IL1RAPL2: variants seen among roughly 807,000 people sequenced by gnomAD.
The protein encoded by IL1RAPL2 is interleukin 1 receptor accessory protein like 2, also known as X-linked interleukin-1 receptor accessory protein-like 2.
A neutral mutation model predicts 44.1 loss-of-function variants in IL1RAPL2; 3 were observed. The ratio of observed to expected loss-of-function variants is 0.07; its 90% CI spans 0.03 to 0.18. The LOEUF is 0.18. IL1RAPL2 is among the 10% of genes least tolerant of loss of function. The probability of loss-of-function intolerance (pLI) is 1.00; values close to 1 mark genes in which losing one functional copy is unlikely to be tolerated. For missense variants in IL1RAPL2, 391 were observed against 496.4 expected, an observed-to-expected ratio of 0.79 and a Z score of 2.02; for synonymous variants, 181 against 178.8, an observed-to-expected ratio of 1.01 and a Z score of -0.10.
At chrX:105,066,085 G>A (rs753818378) in intron 2 of IL1RAPL2, among the ~76,000 whole-genome samples, 2 of 111,313 alleles carry the variant, frequency 1.8e-5, no homozygotes, top group South Asian at 7.7e-4. Context: ...TGAATGGGAA[G>A]CAGGCTGAAC....
intron 2 of IL1RAPL2, among the ~76,000 whole-genome samples, chrX:104,762,533 G>A (rs1167315691): frequency 8.9e-6 from 1 of 111,907 alleles, no homozygotes; most frequent in Non-Finnish European, 1.9e-5. Flanking sequence ...GAGGACAGTG[G>A]CCCTCTTCTC....
At chrX:105,647,505 C>T (rs749986592) in intron 6 of IL1RAPL2, among the ~76,000 whole-genome samples, 2 of 111,399 alleles carry the variant, frequency 1.8e-5, no homozygotes, top group Non-Finnish European at 3.8e-5. Flanking sequence ...TTAGTGAGCT[C>T]CCTTTACTAC....
intron 2 of IL1RAPL2, among the ~76,000 whole-genome samples, chrX:104,909,217 G>A (rs1455934051): frequency 9.0e-6 from 1 of 111,340 alleles, no homozygotes; most frequent in African/African-American, 3.3e-5. Flanking sequence ...GCACTTCTCT[G>A]TATTGTTTAT....
chrX:105,024,797 G>A (rs1156319095), intron 2 of IL1RAPL2, among the ~76,000 whole-genome samples: 1 of 111,361 alleles, frequency 9.0e-6, no homozygotes, highest in African/African-American at 3.3e-5. Flanking sequence ...TGACAGAGAT[G>A]GGTCAGTTAC....
chrX:105,378,300 AG>A (rs1442884357), intron 5 of IL1RAPL2, among the ~76,000 whole-genome samples: 1 of 111,823 alleles, frequency 8.9e-6, no homozygotes, highest in Non-Finnish European at 1.9e-5. Context: ...AGAGGGTAAA[AG>A]TTTGAGAGAC....
intron 6 of IL1RAPL2, among the ~76,000 whole-genome samples, chrX:105,521,080 G>A (rs1427278219): frequency 2.9e-5 from 3 of 103,817 alleles, no homozygotes; most frequent in Admixed American, 1.0e-4. Flanking sequence ...GACTACAGGC[G>A]CCTGCCACCA....
chrX:104,788,694 T>C (rs1207468032), intron 2 of IL1RAPL2, among the ~76,000 whole-genome samples: 1 of 112,053 alleles, frequency 8.9e-6, no homozygotes, highest in Non-Finnish European at 1.9e-5. Context: ...TCACTCAGCC[T>C]GTGATTTTCC....
chrX:105,540,891 G>GTATATATTATATATC (rs2036724655), intron 6 of IL1RAPL2, among the ~76,000 whole-genome samples: 4 of 17,371 alleles, frequency 2.3e-4, no homozygotes, highest in African/African-American at 1.1e-3. Context: ...TATTATATAT[G>GTATATATTATATATC]ATATATAATA....
chrX:105,294,317 T>G (rs930405191), intron 5 of IL1RAPL2, among the ~76,000 whole-genome samples: 1 of 112,590 alleles, frequency 8.9e-6, no homozygotes, highest in Non-Finnish European at 1.9e-5. Flanking sequence ...AACATAGATG[T>G]GAAGATTTTA....
At chrX:104,940,970 T>G (rs1270389510) in intron 2 of IL1RAPL2, among the ~76,000 whole-genome samples, 1 of 101,513 alleles carries the variant, frequency 9.9e-6, no homozygotes, top group Non-Finnish European at 2.0e-5. Flanking sequence ...AGTGAGAACA[T>G]GTGGTGTTTG....
chrX:105,627,072 C>T (rs2037458244), intron 6 of IL1RAPL2, among the ~76,000 whole-genome samples: 1 of 111,737 alleles, frequency 8.9e-6, no homozygotes, highest in Admixed American at 9.5e-5. Context: ...AATTAAAAAG[C>T]AAACTGGTCC....
chrX:104,627,371 A>G (rs1285637076), intron 1 of IL1RAPL2, among the ~76,000 whole-genome samples: 1 of 105,557 alleles, frequency 9.5e-6, no homozygotes, highest in Admixed American at 1.0e-4. Flanking sequence ...ATTAGGAGAT[A>G]TACCTAATGT....
intron 5 of IL1RAPL2, among the ~76,000 whole-genome samples, chrX:105,436,480 C>A (rs755817124): frequency 9.0e-6 from 1 of 111,562 alleles, no homozygotes; most frequent in African/African-American, 3.3e-5. Context: ...TAAATGCTTC[C>A]TTTACTTTTT....
chrX:105,075,507 T>C (rs931105644), intron 2 of IL1RAPL2, among the ~76,000 whole-genome samples: 4 of 111,646 alleles, frequency 3.6e-5, no homozygotes, highest in Non-Finnish European at 7.5e-5. Flanking sequence ...AATTCTCTTT[T>C]TTAGTTGTGT....
At position 105,142,121 on chromosome X, in the gene IL1RAPL2, G is replaced by GA. The variant is rs1238051078; in HGVS notation, c.83-53346dup. On this transcript the variant is annotated intron_variant, in intron 2 of 10. Transcript: ENST00000372582. ...AGATATGTTCTTTTTCCACAACTCT[G>GA]AAAAAAAATAAGAATTTAGTTGATC... Among the ~76,000 whole-genome samples, 5 of 110,365 alleles carry GA rather than the reference G, an allele frequency of 4.5e-5. No individual in the cohort carries two copies. In the South Asian group the frequency reaches 1.9e-3, roughly 42 times the overall value.
intron 5 of IL1RAPL2, among the ~76,000 whole-genome samples, chrX:105,364,513 A>G (rs977447844): frequency 9.0e-6 from 1 of 111,000 alleles, no homozygotes; most frequent in Non-Finnish European, 1.9e-5. Flanking sequence ...CACTTTGGGT[A>G]TTACAGGTGT....
intron 2 of IL1RAPL2, among the ~76,000 whole-genome samples, chrX:104,696,197 C>T (rs1046292180): frequency 1.8e-5 from 2 of 112,128 alleles, no homozygotes; most frequent in Non-Finnish European, 3.8e-5. Context: ...AACTACATTT[C>T]AAGCCCATGC....
intron 2 of IL1RAPL2, among the ~76,000 whole-genome samples, chrX:104,923,055 G>T (rs963769944): frequency 1.8e-5 from 2 of 111,108 alleles, no homozygotes; most frequent in African/African-American, 6.5e-5. Context: ...GCAGAAGAAA[G>T]AATTTCAAGC....
chrX:104,967,516 C>CA (rs1465436834), intron 2 of IL1RAPL2, among the ~76,000 whole-genome samples: 12 of 81,054 alleles, frequency 1.5e-4, no homozygotes, highest in Admixed American at 6.4e-4. Flanking sequence ...AAAATAAACA[C>CA]AAAAAATAGA....
Sources: allele counts gnomAD v4.1 joint callset (sites outside exome capture counted in the v4.1 genomes callset), GRCh38; gene constraint gnomAD v4.1.1; transcripts MANE v1.5; gene names NCBI Gene and HGNC (gene_info 2026-07-23, HGNC 2026-07-21).